Variants in VAV3 observed in about 807,000 individuals in gnomAD.
VAV3 encodes the protein guanine nucleotide exchange factor VAV3.
In VAV3, 94 loss-of-function variants were observed where a neutral mutation model predicts 131.2. The observed-to-expected ratio is 0.72, with a 90% CI of 0.61 to 0.85. VAV3 has a LOEUF of 0.85. Among genes scored for constraint, VAV3 ranks in the 40% least tolerant of loss-of-function variants. The probability of loss-of-function intolerance (pLI) is 0.00; values close to 1 mark genes in which losing one functional copy is unlikely to be tolerated. For missense variants in VAV3, 939 were observed against 1,002.7 expected, an observed-to-expected ratio of 0.94 and a Z score of 0.86; for synonymous variants, 349 against 342.0, an observed-to-expected ratio of 1.02 and a Z score of -0.22.
At chr1:107,716,251 G>T (rs182734261) in intron 15 of VAV3, among the ~76,000 whole-genome samples, 1 of 152,082 alleles carries the variant, frequency 6.6e-6, no homozygotes, top group Non-Finnish European at 1.5e-5. Flanking sequence ...ACTTTAAAAC[G>T]TTAAATGTGT....
chr1:107,812,577 G>A (rs1019126628), intron 2 of VAV3, among the ~76,000 whole-genome samples: 3 of 151,856 alleles, frequency 2.0e-5, no homozygotes, highest in Non-Finnish European at 2.9e-5. Flanking sequence ...AATTCCGTAT[G>A]GTGAATAATG....
At chr1:107,713,743 T>C (rs1660926398) in intron 15 of VAV3, among the ~76,000 whole-genome samples, 1 of 152,150 alleles carries the variant, frequency 6.6e-6, no homozygotes, top group South Asian at 2.1e-4. Flanking sequence ...ACTGTGTGCC[T>C]TCCCTTTCTG....
chr1:107,621,873 C>T (rs910151181), intron 20 of VAV3, among the ~76,000 whole-genome samples: 2 of 152,212 alleles, frequency 1.3e-5, no homozygotes, highest in South Asian at 2.1e-4. Flanking sequence ...ATTTATTCTG[C>T]AGGGCATCTC....
chr1:107,721,465 C>T (rs1661494887), intron 15 of VAV3, among the ~76,000 whole-genome samples: 1 of 152,076 alleles, frequency 6.6e-6, no homozygotes, highest in African/African-American at 2.4e-5. Flanking sequence ...GAGGTATTCC[C>T]ATGTTTAGAA....
At chr1:107,647,766 T>C (rs975039073) in intron 19 of VAV3, among the ~76,000 whole-genome samples, 1 of 152,038 alleles carries the variant, frequency 6.6e-6, no homozygotes, top group African/African-American at 2.4e-5. Context: ...CCAAATTTGC[T>C]TTTGAGAAAA....
intron 2 of VAV3, among the ~76,000 whole-genome samples, chr1:107,801,604 G>C (rs1666831281): frequency 6.6e-6 from 1 of 152,114 alleles, no homozygotes; most frequent in South Asian, 2.1e-4. Context: ...ATAGACTATT[G>C]AGTGTTCAAA....
chr1:107,946,532 A>G (rs560304862), intron 1 of VAV3, among the ~76,000 whole-genome samples: 2 of 152,352 alleles, frequency 1.3e-5, no homozygotes, highest in South Asian at 4.1e-4. Flanking sequence ...GTTTATGACC[A>G]TTGACCTAGA....
At chr1:107,793,422 T>C (rs1570962378) in intron 2 of VAV3, among the ~76,000 whole-genome samples, 3 of 152,330 alleles carry the variant, frequency 2.0e-5, no homozygotes, top group East Asian at 3.9e-4. Flanking sequence ...AAATATCACC[T>C]ATTTATATAT....
chr1:107,949,451 C>T (rs1223129430), intron 1 of VAV3, among the ~76,000 whole-genome samples: 1 of 152,062 alleles, frequency 6.6e-6, no homozygotes, highest in Non-Finnish European at 1.5e-5. Context: ...GCTGGGAGTA[C>T]AGGCATGTGC....
chr1:107,599,399 G>A (rs1371652817), intron 24 of VAV3, among the ~76,000 whole-genome samples: 2 of 152,082 alleles, frequency 1.3e-5, no homozygotes, highest in Non-Finnish European at 2.9e-5. Flanking sequence ...AAAAGAAATC[G>A]CTAAGCTTTC....
intron 22 of VAV3, among the ~76,000 whole-genome samples, chr1:107,605,989 T>C (rs960897320): frequency 1.3e-5 from 2 of 152,222 alleles, no homozygotes; most frequent in Non-Finnish European, 2.9e-5. Context: ...CACGCTCTTC[T>C]AATTGATACT....
intron 15 of VAV3, among the ~76,000 whole-genome samples, chr1:107,727,809 A>T (rs1189171197): frequency 6.6e-6 from 1 of 152,200 alleles, no homozygotes; most frequent in Non-Finnish European, 1.5e-5. Context: ...TTATAAAACC[A>T]AGGATTCTCT....
At chr1:107,619,593 G>T (rs1176024506) in intron 20 of VAV3, among the ~76,000 whole-genome samples, 1 of 152,070 alleles carries the variant, frequency 6.6e-6, no homozygotes, top group Non-Finnish European at 1.5e-5. Flanking sequence ...GAATAAGAAT[G>T]CTTTAAAAAA....
chr1:107,773,834 TGA>T (rs562843946), intron 4 of VAV3, among the ~76,000 whole-genome samples: 84 of 152,152 alleles, frequency 5.5e-4, no homozygotes, highest in Non-Finnish European at 1.1e-3. Flanking sequence ...ATGAAGGAGC[TGA>T]GATATAAAAT....
chr1:107,842,356 G>A (rs72707743), intron 2 of VAV3, among the ~76,000 whole-genome samples: 4 of 152,208 alleles, frequency 2.6e-5, no homozygotes, highest in Non-Finnish European at 5.9e-5. Context: ...GCCCAGGAGT[G>A]AACAGCTGAC....
rs552034556 is a variant in VAV3 at position 107,956,294 on chromosome 1, G to A, written c.204+8372C>T. 7.7e-4 allele frequency among the ~76,000 whole-genome samples: 118 copies of A among 152,336 alleles called. 1 individual carries two copies. The highest frequency in any genetic ancestry group is 2.8e-3 in the African/African-American group (117 of 41,578). On this transcript the variant is annotated intron_variant, in intron 1 of 26. Transcript: ENST00000370056. Reference sequence around the variant, plus strand: ...AAGTTTAAGGAAAGAAGAAAAGGTAGTACAGAGTGATCTGGAGAGTCAAAA... The same window carrying A: ...AAGTTTAAGGAAAGAAGAAAAGGTAATACAGAGTGATCTGGAGAGTCAAAA...
At chr1:107,853,717 A>G (rs1022342518) in intron 2 of VAV3, among the ~76,000 whole-genome samples, 1 of 152,220 alleles carries the variant, frequency 6.6e-6, no homozygotes, top group Non-Finnish European at 1.5e-5. Context: ...AGATCAAAAG[A>G]GAACCCAGAT....
chr1:107,827,424 A>C (rs951168446), intron 2 of VAV3, among the ~76,000 whole-genome samples: 1 of 152,184 alleles, frequency 6.6e-6, no homozygotes, highest in Non-Finnish European at 1.5e-5. Flanking sequence ...AGATCCTATG[A>C]AGAAATGTGA....
intron 15 of VAV3, among the ~76,000 whole-genome samples, chr1:107,728,052 T>C (rs778550317): frequency 1.3e-5 from 2 of 152,156 alleles, no homozygotes; most frequent in African/African-American, 4.8e-5. Context: ...AGTGGCCTGC[T>C]GGAAATAAAT....
Sources: allele counts gnomAD v4.1 joint callset (sites outside exome capture counted in the v4.1 genomes callset), GRCh38; gene constraint gnomAD v4.1.1; transcripts MANE v1.5; gene names NCBI Gene and HGNC (gene_info 2026-07-23, HGNC 2026-07-21).